The following NFIA variants were observed in gnomAD, a reference collection of about 807,000 sequenced individuals.
NFIA encodes nuclear factor 1 A-type.
In NFIA, 8 loss-of-function variants were observed where a neutral mutation model predicts 62.8. That is an observed-to-expected ratio of 0.13 (90% CI 0.07 to 0.23). The LOEUF is 0.23. Ranked by LOEUF, NFIA falls within the 10% of genes least tolerant of loss-of-function variation. The pLI is 1.00. For synonymous variants in NFIA, 235 were observed against 238.1 expected (o/e 0.99, Z 0.12); for missense variants, 410 against 642.1 (o/e 0.64, Z 3.91).
chr1:61,183,490 A>G (rs561076405), intron 2 of NFIA, among the ~76,000 whole-genome samples: 42 of 152,352 alleles, frequency 2.8e-4, no homozygotes, highest in African/African-American at 9.6e-4. Flanking sequence ...ATTAAAGAAC[A>G]TAACCATCAC....
chr1:61,154,918 A>G (rs1648686360), intron 2 of NFIA, among the ~76,000 whole-genome samples: 2 of 152,236 alleles, frequency 1.3e-5, no homozygotes, highest in African/African-American at 4.8e-5. Context: ...GTTAGATATA[A>G]TTTAACAGGA....
chr1:61,211,386 A>T (rs1653246349), intron 2 of NFIA, among the ~76,000 whole-genome samples: 1 of 152,218 alleles, frequency 6.6e-6, no homozygotes, highest in South Asian at 2.1e-4. Context: ...ACAAATTACA[A>T]TTTATTAGTA....
At chr1:61,222,186 G>A (rs922006306) in intron 2 of NFIA, among the ~76,000 whole-genome samples, 1 of 152,080 alleles carries the variant, frequency 6.6e-6, no homozygotes, top group African/African-American at 2.4e-5. Context: ...AAGTTTTACG[G>A]TTTTCTTACA....
In NFIA at chr1:61,402,033, C is replaced by CTTTTTTTTTTTTT. The variant is rs10636290; in HGVS notation, c.1076-2061_1076-2049dup. ...GAAGTCCTAAGTTTTACTCATTTTT[C>CTTTTTTTTTTTTT]TTTTTTTTTTTTTTTTTTTTTTGAG... On this transcript the variant is annotated intron_variant, in intron 7 of 10. Coordinates refer to ENST00000403491, the MANE Select transcript of NFIA (RefSeq NM_001134673.4). Among the ~76,000 whole-genome samples, 169 of 94,552 alleles carry CTTTTTTTTTTTTT rather than the reference C, an allele frequency of 1.8e-3. 2 individuals are homozygous for CTTTTTTTTTTTTT. Among genetic ancestry groups the CTTTTTTTTTTTTT allele is most frequent in the East Asian group, 4.0e-3 (11 of 2,764 alleles). 62.0% of individuals were successfully genotyped at this position (94,552 alleles called of 152,430 possible). A position where few individuals can be genotyped will look rare whatever the true frequency, so the allele number is the denominator to read the frequency against.
chr1:61,451,566 G>T (rs1347852342), intron 10 of NFIA, among the ~76,000 whole-genome samples: 1 of 152,198 alleles, frequency 6.6e-6, no homozygotes, highest in Admixed American at 6.5e-5. Flanking sequence ...CCCCACTCCC[G>T]CTCAGCACAT....
At chr1:61,081,919 T>C (rs944403548), upstream of NFIA, 2 of 1,549,284 alleles carry the variant, frequency 1.3e-6, no homozygotes, top group African/African-American at 2.7e-5. Context: ...CTAGGAGGTC[T>C]GATTTTTCAA....
In NFIA at chr1:61,457,565, G is replaced by C. The variant is rs1207134737; in HGVS notation, c.*2245G>C. On this transcript the variant is annotated 3_prime_UTR_variant, in exon 11 of 11. Transcript: ENST00000403491. The surrounding 1 kb of genome is among the most constrained non-coding windows in gnomAD (Gnocchi z 4.2). ...TGGAGTCTTCCTTTATTTTCCCCCA[G>C]ATATATGAAAATATGCAATACCTGC... is the stretch of plus-strand genomic sequence containing the variant. 1 of 152,036 alleles carries C rather than the reference G, an allele frequency of 6.6e-6. No homozygotes were observed. The highest frequency in any genetic ancestry group is 6.6e-5 in the Admixed American group (1 of 15,264). The allele number at this position is 152,036 out of a possible 1,614,324, so 9.4% of individuals were successfully genotyped here.
intron 2 of NFIA, among the ~76,000 whole-genome samples, chr1:61,134,098 G>C (rs1647131981): frequency 6.6e-6 from 1 of 152,126 alleles, no homozygotes; most frequent in Admixed American, 6.6e-5. Context: ...GACGGTGCAA[G>C]ACTCTGTCTC....
chr1:61,343,183 T>A (rs987066911), intron 4 of NFIA, among the ~76,000 whole-genome samples: 1 of 152,226 alleles, frequency 6.6e-6, no homozygotes, highest in Admixed American at 6.5e-5. Context: ...GGTATATATT[T>A]AAGTTTCTTG....
chr1:61,211,090 CTTAGTA>C (rs1254946221), intron 2 of NFIA, among the ~76,000 whole-genome samples: 2 of 152,176 alleles, frequency 1.3e-5, no homozygotes, highest in Non-Finnish European at 2.9e-5. Flanking sequence ...TTATGGGTAT[CTTAGTA>C]TAACCTTTTC....
intron 2 of NFIA, among the ~76,000 whole-genome samples, chr1:61,089,322 C>A (rs1004297813): frequency 3.3e-5 from 5 of 152,142 alleles, no homozygotes; most frequent in African/African-American, 1.2e-4. Flanking sequence ...TGCATGAACA[C>A]ATTGAAAAAT....
intron 2 of NFIA, among the ~76,000 whole-genome samples, chr1:61,097,434 GCTGT>G (rs1235331813): frequency 1.3e-5 from 2 of 152,158 alleles, no homozygotes; most frequent in African/African-American, 4.8e-5. Context: ...CCATTTTCAG[GCTGT>G]CTTTGTTGCT....
At chr1:61,082,531 T>A (rs553177547), upstream of NFIA, 4 of 1,359,760 alleles carry the variant, frequency 2.9e-6, no homozygotes, top group Non-Finnish European at 3.8e-6. Context: ...ACAGTAGGCA[T>A]GTATAGTGGA....
At chr1:61,341,345 C>T (rs563339027) in intron 4 of NFIA, among the ~76,000 whole-genome samples, 2 of 152,258 alleles carry the variant, frequency 1.3e-5, no homozygotes, top group African/African-American at 4.8e-5. Context: ...GCCACTGCAC[C>T]TGGCCCATGT....
Position 61,162,046 on chromosome 1 carries a change from C to T in NFIA, c.559+73366C>T, listed in dbSNP as rs559660043. On this transcript the variant is annotated intron_variant, in intron 2 of 10. Transcript: ENST00000403491. ...CATAGATAATTTTCTCCAGTGGTTT[C>T]AAATATTATTTAAATAGGAATGTTT... 1.2e-4 allele frequency among the ~76,000 whole-genome samples: 19 copies of T among 152,268 alleles called. No individual in the cohort carries two copies. In the South Asian group the frequency reaches 3.7e-3, roughly 30 times the overall value.
chr1:61,407,545 C>T (rs182285068), intron 9 of NFIA, among the ~76,000 whole-genome samples: 121 of 152,114 alleles, frequency 8.0e-4, no homozygotes, highest in Non-Finnish European at 1.5e-3. Context: ...GGAATAATGA[C>T]AAAAAGAGTG....
chr1:61,200,010 GTA>G lies in NFIA; in HGVS notation c.560-77454_560-77453del, dbSNP rs60422302. Among the ~76,000 whole-genome samples, 391 of 52,746 alleles carry G rather than the reference GTA, an allele frequency of 7.4e-3. 11 individuals are homozygous for G. Among genetic ancestry groups the G allele is most frequent in the Non-Finnish European group, 0.011 (277 of 25,436 alleles). The allele number at this position is 52,746 out of a possible 152,430, so 34.6% of individuals were successfully genotyped here. On this transcript the variant is annotated intron_variant, in intron 2 of 10. Transcript: ENST00000403491. ...ACTCCAACTCACAAAATATATATAT[GTA>G]TATATATATATATATATATATATAT...
chr1:61,175,524 A>G (rs1285094678), intron 2 of NFIA, among the ~76,000 whole-genome samples: 2 of 152,216 alleles, frequency 1.3e-5, no homozygotes, highest in Non-Finnish European at 2.9e-5. Flanking sequence ...GTCATTTTCT[A>G]CCATTGTAAT....
In NFIA at chr1:61,209,808, C is replaced by T. The variant is rs150276906; in HGVS notation, c.560-67712C>T. Among the ~76,000 whole-genome samples, 714 of 151,922 alleles carry T rather than the reference C, an allele frequency of 4.7e-3. 4 individuals are homozygous for T. The highest frequency in any genetic ancestry group is 0.016 in the African/African-American group (681 of 41,424). On this transcript the variant is annotated intron_variant, in intron 2 of 10. Coordinates refer to ENST00000403491, the MANE Select transcript of NFIA (RefSeq NM_001134673.4). ...TGGAAGTTACAGTAAGCAGAGATTGCGGCCACTGCACTCCAGCCTGGGCAA... is the reference window on the plus strand; with the variant it reads ...TGGAAGTTACAGTAAGCAGAGATTGTGGCCACTGCACTCCAGCCTGGGCAA...
Sources: gnomAD v4.1 joint callset for allele counts (sites outside exome capture counted in the v4.1 genomes callset) on GRCh38, gnomAD v4.1.1 for gene constraint, Gnocchi (gnomAD v3.1) non-coding constraint, MANE v1.5 for transcripts, NCBI Gene and HGNC (gene_info 2026-07-23, HGNC 2026-07-21) for gene names.